Variants in PLCD1 observed in about 807,000 individuals in gnomAD.
PLCD1 encodes the protein 1-phosphatidylinositol 4,5-bisphosphate phosphodiesterase delta-1.
Under a neutral mutation model 87.4 loss-of-function variants are expected in PLCD1, and 71 were observed. That is an observed-to-expected ratio of 0.81 (90% CI 0.67 to 0.99). The LOEUF is 0.99. PLCD1 is among the 50% of genes least tolerant of loss of function. PLCD1 has a pLI of 0.00. For missense variants in PLCD1, 867 were observed against 1,001.5 expected, an observed-to-expected ratio of 0.87 and a Z score of 1.81; for synonymous variants, 348 against 399.2, an observed-to-expected ratio of 0.87 and a Z score of 1.53.
In PLCD1 at chr3:38,009,089, G is replaced by A; in HGVS notation, c.1676C>T (p.Ser559Phe). The A allele has an allele frequency of 1.2e-6, 2 of 1,613,912 alleles. No homozygotes were observed. The highest frequency in any genetic ancestry group is 1.1e-5 in the South Asian group (1 of 91,070). The change falls in exon 11 of 15, where the codon TCC becomes TTC. Residue 559 changes from serine (S) to phenylalanine (F), a missense_variant. Ser to Phe is a radical substitution (Grantham distance 155). Coordinates refer to ENST00000334661, the MANE Select transcript of PLCD1 (RefSeq NM_006225.4). ...CATCTCCACGGGGCTGTAGTTGGAG[G>A]AGTCTGTTCTCCATCCAGCCGGGTA... ...RIYPAGWRTDSSNYSPVEMWN... is the reference protein window; with the variant it reads ...RIYPAGWRTDFSNYSPVEMWN...
At position 38,017,823 on chromosome 3, in the gene PLCD1, G is replaced by C. The variant is rs965344115; in HGVS notation, c.200-1104C>G. 6.6e-6 allele frequency among the ~76,000 whole-genome samples: 1 copy of C among 152,218 alleles called. No individual in the cohort carries two copies. On this transcript the variant is annotated intron_variant, in intron 2 of 14. Transcript: ENST00000334661. The surrounding 1 kb of genome is among the most constrained non-coding windows in gnomAD (Gnocchi z 4.7). ...GATGTAACATGTGCCAGCCTGGGCT[G>C]CAGGCTTTGAGGAGTGGGACACATG...
Position 38,011,673 on chromosome 3 carries a change from G to C in PLCD1, c.429C>G (p.His143Gln). The C allele has an allele frequency of 1.9e-6, 3 of 1,614,168 alleles. No homozygotes were observed. The highest frequency in any genetic ancestry group is 1.3e-5 in the African/African-American group (1 of 75,056). ...CTTTTCGCAAGCAGGAGTGAATCCA[G>C]CTGGGCAAGAAGTAAGGAAAGAACC... ...GSMDQRQKLQHWIHSCLRKAD... is the reference protein window; with the variant it reads ...GSMDQRQKLQQWIHSCLRKAD... The change falls in exon 4 of 15, where the codon CAC becomes CAG. Residue 143 changes from histidine (H) to glutamine (Q), a missense_variant and splice_region_variant. Transcript: ENST00000334661.
At chr3:38,008,973 G>C (rs911122447) in intron 11 of PLCD1, 69 bp downstream of exon 11, 13 of 1,308,058 alleles carry the variant, frequency 9.9e-6, no homozygotes, top group Non-Finnish European at 1.4e-5. Flanking sequence ...TGGCCTTCGA[G>C]GCTCCAGGCC....
chr3:38,016,098 G>A lies in PLCD1; in HGVS notation c.428+393C>T, dbSNP rs565705824. On this transcript the variant is annotated intron_variant, in intron 3 of 14. Coordinates refer to ENST00000334661, the MANE Select transcript of PLCD1 (RefSeq NM_006225.4). ...ATATGTTGAAGCCCTAATGCCCAAC[G>A]TGATGATATTTGGAGATAAGGCCTT... Among the ~76,000 whole-genome samples, 14 of 152,154 alleles carry A rather than the reference G, an allele frequency of 9.2e-5. No individual in the cohort carries two copies. The East Asian group carries it at 9.7e-4, about 10-fold the overall frequency.
At position 38,018,654 on chromosome 3, in the gene PLCD1, G is replaced by A. The variant is rs561773662; in HGVS notation, c.199+1534C>T. On this transcript the variant is annotated intron_variant, in intron 2 of 14. Transcript: ENST00000334661. This position sits in a 1 kb window ranked among gnomAD's most constrained non-coding sequence, Gnocchi z 5.7. ...TCCATACGTATCGGTAGGTAGGTGG[G>A]CTCCAGGGAATCCCCAGGGCTCAGA... Among the ~76,000 whole-genome samples the A allele has an allele frequency of 1.1e-4, 16 of 152,256 alleles. No homozygotes were observed. Among genetic ancestry groups the A allele is most frequent in the African/African-American group, 3.9e-4 (16 of 41,554 alleles).
Position 38,027,731 on chromosome 3 carries a change from T to C in PLCD1, c.34+1775A>G, listed in dbSNP as rs113752937. 2.4e-3 allele frequency among the ~76,000 whole-genome samples: 368 copies of C among 152,322 alleles called. 4 individuals carry two copies. Among genetic ancestry groups the C allele is most frequent in the African/African-American group, 7.8e-3 (323 of 41,588 alleles). On this transcript the variant is annotated intron_variant, in intron 1 of 14. Coordinates refer to ENST00000334661, the MANE Select transcript of PLCD1 (RefSeq NM_006225.4). ...TGTGAAACGGATGCAGACTCTCCAA[T>C]GCAAGTGTAGACAACCTGGAACAGC...
At position 38,029,515 on chromosome 3, in the gene PLCD1, T is replaced by A. The variant is rs756863226; in HGVS notation, c.25A>T (p.Thr9Ser). MDSGRDFL[T>S]LHGLQDDEDL... ...CGGGCCAGGCACTCACCGTGCAGGG[T>A]CAGGAAGTCCCGGCCCGAGTCCATG... Residue 9 changes from threonine (T) to serine (S), a missense_variant, in exon 1 of 15, where the codon ACC becomes TCC. Thr to Ser is a moderately conservative substitution (Grantham distance 58). Transcript: ENST00000334661. 303 of 1,539,040 alleles carry A rather than the reference T, an allele frequency of 2.0e-4. No homozygotes were observed. Among genetic ancestry groups the A allele is most frequent in the Middle Eastern group, 4.2e-4 (2 of 4,720 alleles).
chr3:38,024,180 C>G (rs1487916829), intron 1 of PLCD1: 8 of 664,406 alleles, frequency 1.2e-5, no homozygotes, highest in Non-Finnish European at 2.1e-5. Flanking sequence ...ACTGCAAACA[C>G]TGCCCCACAG....
At chr3:38,014,078 T>A (rs1175870082) in intron 3 of PLCD1, among the ~76,000 whole-genome samples, 1 of 152,096 alleles carries the variant, frequency 6.6e-6, no homozygotes, top group Non-Finnish European at 1.5e-5. Flanking sequence ...AAAGAAGACA[T>A]AAATAAATGG....
At position 38,009,710 on chromosome 3, in the gene PLCD1, G is replaced by A. The variant is rs375010877; in HGVS notation, c.1389C>T (p.Asp463=). The A allele has an allele frequency of 3.0e-5, 48 of 1,614,002 alleles. No individual in the cohort carries two copies. Among genetic ancestry groups the A allele is most frequent in the African/African-American group, 2.3e-4 (17 of 74,920 alleles). Residue 463 remains aspartate (D), a synonymous_variant, in exon 9 of 15, where the codon GAC becomes GAT. Transcript: ENST00000334661. The part of the protein sequence containing the change: ...GPEATVVSDE[D]EAAEMEDEAV... ...CCTCATCCTCCATCTCAGCAGCCTC[G>A]TCTTCGTCTGACACCACAGTGGCCT...
rs115653853 is a variant in PLCD1 at position 38,008,524 on chromosome 3, G to T, written c.1836C>A (p.Asn612Lys). The change falls in exon 12 of 15, where the codon AAC (asparagine) becomes AAA (lysine). Residue 612 changes from asparagine (N) to lysine (K), a missense_variant. Transcript: ENST00000334661. ...VLKPAFLRDP[N>K]GTFNPRALAQ... ...CCAGGGCGCGGGGGTTAAAGGTGCC[G>T]TTGGGGTCTCGCAGGAAGGCGGGCT... 3.0e-4 allele frequency: 492 copies of T among 1,614,202 alleles called. 3 individuals are homozygous for T. The East Asian group carries it at 9.5e-3, about 31-fold the overall frequency.
In PLCD1 at chr3:38,010,226, G is replaced by A. The variant is rs1559371939; in HGVS notation, c.1042C>T (p.Pro348Ser). ...RCLELDCWDG[P>S]NQEPIIYHGY... Reference sequence around the variant, plus strand: ...TGGTAGATGATTGGTTCCTGGTTGGGCCCGTCCCAGCAGTCAAGCTCCAGG... The same window carrying A: ...TGGTAGATGATTGGTTCCTGGTTGGACCCGTCCCAGCAGTCAAGCTCCAGG... The change falls in exon 7 of 15, where the codon CCC (proline) becomes TCC (serine). Residue 348 changes from proline to serine, a missense_variant. By Grantham distance (74) the Pro-to-Ser change is moderately conservative (BLOSUM62 -1). Transcript: ENST00000334661. 1.9e-6 allele frequency: 3 copies of A among 1,614,212 alleles called. No homozygotes were observed. The highest frequency in any genetic ancestry group is 2.2e-5 in the South Asian group (2 of 91,088).
intron 11 of PLCD1, 103 bp downstream of exon 11, chr3:38,008,939 T>C (rs988201589): frequency 1.1e-6 from 1 of 910,020 alleles, no homozygotes; most frequent in African/African-American, 1.6e-5. Flanking sequence ...TTGACCCTGC[T>C]TGGGTCCTCA....
intron 3 of PLCD1, chr3:38,014,582 CA>C (rs1224903379): frequency 6.5e-6 from 1 of 153,714 alleles, no homozygotes; most frequent in East Asian, 1.9e-4. Context: ...GATCTGAGTG[CA>C]GGGGTGTTTA....
At chr3:38,024,548 G>A (rs780758996) in intron 1 of PLCD1, 43 of 1,511,408 alleles carry the variant, frequency 2.8e-5, no homozygotes, top group Admixed American at 4.0e-5. Context: ...TGTCGCCCTT[G>A]GAGGGGAGCA....
At chr3:38,008,735 G>T in intron 11 of PLCD1, 99 bp from the exon 12 acceptor site, 1 of 1,088,588 alleles carries the variant, frequency 9.2e-7, no homozygotes, top group South Asian at 1.3e-5. Flanking sequence ...CACATGGTGA[G>T]TTAGCAGGGC....
At position 38,010,015 on chromosome 3, in the gene PLCD1, G is replaced by A. The variant is rs1415864822; in HGVS notation, c.1176C>T (p.His392=). ...PYPVILSLEN[H]CTLEQQRVMA... ...TCACGCGCTGCTGCTCCAGTGTGCA[G>A]TGGTTCTCCAGGGATAGGATGACAG... Residue 392 remains histidine (H), a synonymous_variant, in exon 8 of 15, where the codon CAC becomes CAT. Coordinates refer to ENST00000334661, the MANE Select transcript of PLCD1 (RefSeq NM_006225.4). The A allele has an allele frequency of 5.0e-6, 8 of 1,614,076 alleles. No individual in the cohort carries two copies. Among genetic ancestry groups the A allele is most frequent in the Non-Finnish European group, 6.8e-6 (8 of 1,180,020 alleles).
At position 38,029,559 on chromosome 3, in the gene PLCD1, G is replaced by T. The variant is rs1011986175; in HGVS notation, c.-20C>A. On this transcript the variant is annotated 5_prime_UTR_variant, in exon 1 of 15. Coordinates refer to ENST00000334661, the MANE Select transcript of PLCD1 (RefSeq NM_006225.4). ...GTCCATGCCCGACGGGCGGCGCGGC[G>T]GGAGGGGCACCGCGGGACTCACTTG... 4 of 1,536,114 alleles carry T rather than the reference G, an allele frequency of 2.6e-6. No homozygotes were observed. Among genetic ancestry groups the T allele is most frequent in the South Asian group, 1.2e-5 (1 of 83,892 alleles).
chr3:38,024,450 C>T, intron 1 of PLCD1: 1 of 1,605,660 alleles, frequency 6.2e-7, no homozygotes, highest in South Asian at 1.1e-5. Context: ...CCACAGTGCC[C>T]CTGCCTGCGC....
Sources: gnomAD v4.1 joint callset for allele counts (sites outside exome capture counted in the v4.1 genomes callset) on GRCh38, gnomAD v4.1.1 for gene constraint, Gnocchi (gnomAD v3.1) non-coding constraint, MANE v1.5 for transcripts, NCBI Gene and HGNC (gene_info 2026-07-23, HGNC 2026-07-21) for gene names.